CSGALNACT1: variants seen among roughly 807,000 people sequenced by gnomAD.
The protein encoded by CSGALNACT1 is chondroitin sulfate N-acetylgalactosaminyltransferase 1.
In CSGALNACT1, 52 loss-of-function variants were observed where a neutral mutation model predicts 51.0. The ratio of observed to expected loss-of-function variants is 1.02; its 90% CI spans 0.82 to 1.29. The LOEUF (loss-of-function observed/expected upper bound fraction) is 1.29. CSGALNACT1 is among the 50% of genes most tolerant of loss of function. The probability of loss-of-function intolerance (pLI) is 0.00; values close to 1 mark genes in which losing one functional copy is unlikely to be tolerated. For synonymous variants in CSGALNACT1, 341 were observed against 254.4 expected, an observed-to-expected ratio of 1.34 and a Z score of -3.24; for missense variants, 935 against 679.2, an observed-to-expected ratio of 1.38 and a Z score of -4.19.
At chr8:19,737,816 A>G (rs923753022) in intron 1 of CSGALNACT1, among the ~76,000 whole-genome samples, 7 of 152,202 alleles carry the variant, frequency 4.6e-5, no homozygotes. Flanking sequence ...AAATATTATG[A>G]TTCTACTTAT....
chr8:19,668,889 A>G (rs559549309), intron 1 of CSGALNACT1, among the ~76,000 whole-genome samples: 1 of 152,288 alleles, frequency 6.6e-6, no homozygotes, highest in Non-Finnish European at 1.5e-5. Flanking sequence ...GGGATCAATC[A>G]CGTTGGATAA....
Position 19,639,095 on chromosome 8 carries a change from T to C in CSGALNACT1, c.-543-37230A>G, listed in dbSNP as rs2056442724. ...TCTGAAGGGGAAAATTGACAGTAAA[T>C]ATGAATGTTTCCCTAGCCCCTCTAA... On this transcript the variant is annotated intron_variant, in intron 1 of 9. Coordinates refer to the CSGALNACT1 transcript ENST00000332246. 2.0e-5 allele frequency among the ~76,000 whole-genome samples: 3 copies of C among 152,212 alleles called. No homozygotes were observed. The South Asian group carries it at 6.2e-4, about 32-fold the overall frequency.
At chr8:19,488,760 A>G (rs1428102730) in intron 4 of CSGALNACT1, among the ~76,000 whole-genome samples, 4 of 152,194 alleles carry the variant, frequency 2.6e-5, no homozygotes, top group African/African-American at 9.6e-5. Context: ...GACAGGGTAG[A>G]TTATTAATAA....
At chr8:19,415,787 A>G (rs2056748866) in intron 8 of CSGALNACT1, among the ~76,000 whole-genome samples, 1 of 152,242 alleles carries the variant, frequency 6.6e-6, no homozygotes, top group Admixed American at 6.5e-5. Flanking sequence ...CAGAAAGAAA[A>G]TAAATCCTAT....
At chr8:19,635,873 A>G (rs1237206515) in intron 1 of CSGALNACT1, among the ~76,000 whole-genome samples, 1 of 152,128 alleles carries the variant, frequency 6.6e-6, no homozygotes, top group Non-Finnish European at 1.5e-5. Context: ...GATTACAGGC[A>G]TGCAAGACCA....
At chr8:19,463,427 G>A (rs963674248) in intron 4 of CSGALNACT1, among the ~76,000 whole-genome samples, 42 of 152,194 alleles carry the variant, frequency 2.8e-4, no homozygotes, top group African/African-American at 9.9e-4. Flanking sequence ...AAACACAAAG[G>A]ACGACACCTA....
Position 19,597,285 on chromosome 8 carries a change from C to CTTTTTTTTTTTTTT in CSGALNACT1, c.-416+4472_-416+4485dup, listed in dbSNP as rs35177349. On this transcript the variant is annotated intron_variant, in intron 2 of 9. Coordinates refer to ENST00000454498, the Ensembl canonical transcript of CSGALNACT1. ...GGTTGGGGCTGCCTCTATCTTCTTT[C>CTTTTTTTTTTTTTT]TTTTTTTTTTTTTTTTTTTTTTTTT... is the stretch of plus-strand genomic sequence containing the variant. Among the ~76,000 whole-genome samples the CTTTTTTTTTTTTTT allele has an allele frequency of 1.6e-3, 101 of 64,564 alleles. 6 individuals carry two copies. The highest frequency in any genetic ancestry group is 6.7e-3 in the African/African-American group (97 of 14,414). 42.4% of individuals were successfully genotyped at this position (64,564 alleles called of 152,430 possible).
chr8:19,753,316 C>T (rs1389715183), intron 1 of CSGALNACT1, among the ~76,000 whole-genome samples: 3 of 151,894 alleles, frequency 2.0e-5, no homozygotes, highest in Admixed American at 2.0e-4. Flanking sequence ...TTCCTCTTAC[C>T]CTGTTCTCCT....
At chr8:19,687,566 T>C (rs1308049581), upstream of CSGALNACT1, among the ~76,000 whole-genome samples, 1 of 152,224 alleles carries the variant, frequency 6.6e-6, no homozygotes, top group African/African-American at 2.4e-5. Context: ...ATTATGTTAC[T>C]CCGTCCATGT....
intron 1 of CSGALNACT1, among the ~76,000 whole-genome samples, chr8:19,680,470 C>A (rs1256337614): frequency 6.6e-6 from 1 of 150,376 alleles, no homozygotes; most frequent in Non-Finnish European, 1.5e-5. Context: ...GCAGGACAAT[C>A]ACTTGAACCC....
chr8:19,415,591 C>G (rs2056710411), intron 8 of CSGALNACT1, among the ~76,000 whole-genome samples: 1 of 152,132 alleles, frequency 6.6e-6, no homozygotes, highest in African/African-American at 2.4e-5. Context: ...GCCTCTGATT[C>G]CCTTCGCAAC....
chr8:19,427,658 G>A (rs1382472851), intron 6 of CSGALNACT1, among the ~76,000 whole-genome samples: 1 of 152,080 alleles, frequency 6.6e-6, no homozygotes, highest in Non-Finnish European at 1.5e-5. Flanking sequence ...CATGGTGGCG[G>A]GCACCTGTAG....
intron 3 of CSGALNACT1, among the ~76,000 whole-genome samples, chr8:19,521,162 G>A (rs2080605139): frequency 6.6e-6 from 1 of 152,158 alleles, no homozygotes; most frequent in African/African-American, 2.4e-5. Context: ...CGGCTAGCCA[G>A]CTGTCTAAGA....
At chr8:19,450,815 G>C (rs1290500070) in intron 5 of CSGALNACT1, among the ~76,000 whole-genome samples, 1 of 152,000 alleles carries the variant, frequency 6.6e-6, no homozygotes, top group South Asian at 2.1e-4. Flanking sequence ...GAGTCTGAGG[G>C]GGGAGGATCA....
At chr8:19,554,136 C>G (rs28478349) in intron 3 of CSGALNACT1, among the ~76,000 whole-genome samples, 2 of 151,812 alleles carry the variant, frequency 1.3e-5, no homozygotes, top group South Asian at 4.2e-4. Context: ...GAACATAATA[C>G]AGGGAAATTT....
intron 3 of CSGALNACT1, among the ~76,000 whole-genome samples, chr8:19,523,413 T>A (rs1327281054): frequency 6.6e-6 from 1 of 152,070 alleles, no homozygotes; most frequent in Non-Finnish European, 1.5e-5. Context: ...TACAGATGCA[T>A]GACATGATGC....
chr8:19,677,489 C>G (rs1564408126), intron 1 of CSGALNACT1, among the ~76,000 whole-genome samples: 1 of 152,062 alleles, frequency 6.6e-6, no homozygotes, highest in Admixed American at 6.6e-5. Flanking sequence ...CTAATGGTAC[C>G]AGGACAGATT....
intron 1 of CSGALNACT1, among the ~76,000 whole-genome samples, chr8:19,706,800 A>C (rs1203133513): frequency 6.6e-6 from 1 of 151,944 alleles, no homozygotes; most frequent in Non-Finnish European, 1.5e-5. Flanking sequence ...CATTTTTTTA[A>C]ATCTTTTGTA....
chr8:19,461,904 G>A (rs906543590), intron 4 of CSGALNACT1, among the ~76,000 whole-genome samples: 3 of 150,780 alleles, frequency 2.0e-5, no homozygotes, highest in Non-Finnish European at 4.5e-5. Context: ...ACCATGGAGG[G>A]TGTATCCGCA....
Sources: gnomAD v4.1 joint callset for allele counts (sites outside exome capture counted in the v4.1 genomes callset) on GRCh38, gnomAD v4.1.1 for gene constraint, MANE v1.5 for transcripts, NCBI Gene and HGNC (gene_info 2026-07-23, HGNC 2026-07-21) for gene names.